Variants in ATRNL1 observed in about 807,000 individuals in gnomAD.
ATRNL1 encodes the protein attractin like 1.
ATRNL1 carries 95 observed loss-of-function variants against 182.7 expected under a neutral mutation model. That is an observed-to-expected ratio of 0.52 (90% CI 0.44 to 0.62). The LOEUF is 0.62. Among genes scored for constraint, ATRNL1 ranks in the 20% least tolerant of loss-of-function variants. ATRNL1 has a pLI of 0.00. For missense variants in ATRNL1, 1,471 were observed against 1,679.5 expected, an observed-to-expected ratio of 0.88 and a Z score of 2.17; for synonymous variants, 576 against 568.3, an observed-to-expected ratio of 1.01 and a Z score of -0.19.
intron 13 of ATRNL1, among the ~76,000 whole-genome samples, chr10:115,280,768 C>G (rs1852324994): frequency 6.6e-6 from 1 of 152,192 alleles, no homozygotes; most frequent in South Asian, 2.1e-4. Context: ...CTTCTTCTAT[C>G]TGGTGAAAAT....
chr10:115,865,521 C>T (rs1223473524), intron 28 of ATRNL1, among the ~76,000 whole-genome samples: 2 of 152,144 alleles, frequency 1.3e-5, no homozygotes, highest in Non-Finnish European at 2.9e-5. Flanking sequence ...ACTTAACCTA[C>T]AATTTTTATA....
chr10:115,528,914 T>C (rs568397743), intron 25 of ATRNL1, among the ~76,000 whole-genome samples: 7 of 152,282 alleles, frequency 4.6e-5, no homozygotes, highest in Non-Finnish European at 8.8e-5. Flanking sequence ...CCACATACTT[T>C]TTAATGTTCA....
intron 8 of ATRNL1, among the ~76,000 whole-genome samples, chr10:115,201,683 CT>C (rs1179384164): frequency 1.3e-5 from 2 of 152,038 alleles, no homozygotes; most frequent in African/African-American, 4.8e-5. Flanking sequence ...CAGCTTTGTT[CT>C]TTTGGCTTAG....
At chr10:115,332,050 C>G (rs115896443) in intron 18 of ATRNL1, among the ~76,000 whole-genome samples, 1,963 of 152,262 alleles carry the variant, frequency 0.013, 37 homozygotes, top group African/African-American at 0.044. Flanking sequence ...TAGGTGGCCT[C>G]AGGTGGTTCA....
At chr10:115,609,360 C>T (rs1203515715) in intron 26 of ATRNL1, among the ~76,000 whole-genome samples, 2 of 152,088 alleles carry the variant, frequency 1.3e-5, no homozygotes, top group African/African-American at 4.8e-5. Context: ...ACACTCTGCT[C>T]TGAAGCACCA....
At chr10:115,371,348 A>G (rs146962916) in intron 19 of ATRNL1, among the ~76,000 whole-genome samples, 203 of 152,218 alleles carry the variant, frequency 1.3e-3, no homozygotes, top group African/African-American at 4.5e-3. Flanking sequence ...GGCACCCTGC[A>G]TTTGGAAAAG....
intron 9 of ATRNL1, among the ~76,000 whole-genome samples, chr10:115,228,915 G>A (rs186371212): frequency 6.3e-4 from 96 of 151,684 alleles, no homozygotes; most frequent in African/African-American, 2.3e-3. Flanking sequence ...ACAGGCACCT[G>A]ACACCACGCC....
chr10:115,286,855 C>T (rs116268171), intron 15 of ATRNL1, among the ~76,000 whole-genome samples: 2 of 151,586 alleles, frequency 1.3e-5, no homozygotes, highest in Non-Finnish European at 3.0e-5. Context: ...TTTTTTTCTT[C>T]CCATTAGTCT....
intron 21 of ATRNL1, among the ~76,000 whole-genome samples, chr10:115,448,249 C>T (rs1315444701): frequency 6.6e-6 from 1 of 152,044 alleles, no homozygotes; most frequent in African/African-American, 2.4e-5. Flanking sequence ...CTTCTCTTTG[C>T]TACATGGCAC....
At chr10:115,775,959 CAAAA>C (rs398014865) in intron 27 of ATRNL1, among the ~76,000 whole-genome samples, 3 of 113,234 alleles carry the variant, frequency 2.6e-5, no homozygotes, top group South Asian at 3.1e-4. Flanking sequence ...ACTCCATTCT[CAAAA>C]AAAAAAAAAA....
chr10:115,319,554 G>T (rs782080413), intron 18 of ATRNL1, among the ~76,000 whole-genome samples: 4 of 152,128 alleles, frequency 2.6e-5, no homozygotes, highest in Admixed American at 6.6e-5. Context: ...CTTGTTTTAT[G>T]AATCTGGATG....
chr10:115,382,519 A>G (rs868939277), intron 19 of ATRNL1, among the ~76,000 whole-genome samples: 4 of 152,016 alleles, frequency 2.6e-5, no homozygotes, highest in Middle Eastern at 6.8e-3. Flanking sequence ...AGACTTTTAT[A>G]CATTGATTTT....
At chr10:115,903,521 C>A (rs749998580) in intron 28 of ATRNL1, among the ~76,000 whole-genome samples, 1 of 152,196 alleles carries the variant, frequency 6.6e-6, no homozygotes, top group Non-Finnish European at 1.5e-5. Flanking sequence ...TTAACTATGA[C>A]AAACTCCCTG....
chr10:115,664,072 G>A (rs926698791), intron 26 of ATRNL1, among the ~76,000 whole-genome samples: 2 of 152,032 alleles, frequency 1.3e-5, no homozygotes, highest in African/African-American at 4.8e-5. Context: ...TCCTACAATA[G>A]CATCCTTCCT....
At chr10:115,761,743 A>C (rs945152356) in intron 27 of ATRNL1, among the ~76,000 whole-genome samples, 7 of 152,192 alleles carry the variant, frequency 4.6e-5, no homozygotes, top group African/African-American at 1.7e-4. Flanking sequence ...TTCTCTTATA[A>C]GATTTTGACT....
intron 27 of ATRNL1, among the ~76,000 whole-genome samples, chr10:115,747,556 G>T (rs1349520038): frequency 6.6e-6 from 1 of 152,030 alleles, no homozygotes; most frequent in Admixed American, 6.6e-5. Context: ...ATTCTTTGTG[G>T]TTGTATGAGA....
At chr10:115,414,042 T>C (rs1233502083) in intron 20 of ATRNL1, among the ~76,000 whole-genome samples, 1 of 152,134 alleles carries the variant, frequency 6.6e-6, no homozygotes, top group Non-Finnish European at 1.5e-5. Context: ...GCAAGGCTTT[T>C]GTACCTTCTC....
At chr10:115,709,170 T>C (rs1028650490) in intron 26 of ATRNL1, among the ~76,000 whole-genome samples, 2 of 151,892 alleles carry the variant, frequency 1.3e-5, no homozygotes, top group South Asian at 2.1e-4. Context: ...ATTGACTTTA[T>C]AATAATTTGC....
Position 115,849,126 on chromosome 10 carries a change from C to G in ATRNL1, c.4018+1135C>G, listed in dbSNP as rs533290403. Among the ~76,000 whole-genome samples, 3 of 152,272 alleles carry G rather than the reference C, an allele frequency of 2.0e-5. No individual in the cohort carries two copies. The South Asian group carries it at 6.2e-4, about 32-fold the overall frequency. On this transcript the variant is annotated intron_variant, in intron 28 of 28. Coordinates refer to ENST00000355044, the MANE Select transcript of ATRNL1 (RefSeq NM_207303.4). ...GAGTTTCCATCACCTTCAGATTCAT[C>G]ATTCATGGTACCTGATGATATCTTA... is the stretch of plus-strand genomic sequence containing the variant.
Sources: allele counts gnomAD v4.1 joint callset (sites outside exome capture counted in the v4.1 genomes callset), GRCh38; gene constraint gnomAD v4.1.1; transcripts MANE v1.5; gene names NCBI Gene and HGNC (gene_info 2026-07-23, HGNC 2026-07-21).